The following KIR2DL1 variants were observed in gnomAD, a reference collection of about 807,000 sequenced individuals.
KIR2DL1 encodes the protein killer cell immunoglobulin-like receptor 2DL1.
KIR2DL1 carries 38 observed loss-of-function variants against 33.9 expected under a neutral mutation model. That is an observed-to-expected ratio of 1.12 (90% CI 0.86 to 1.47). KIR2DL1 has a LOEUF of 1.47. Ranked by LOEUF, KIR2DL1 falls within the 40% of genes most tolerant of loss-of-function variation. KIR2DL1 has a pLI of 0.00. For synonymous variants in KIR2DL1, 179 were observed against 165.9 expected, an observed-to-expected ratio of 1.08 and a Z score of -0.61; for missense variants, 531 against 433.9, an observed-to-expected ratio of 1.22 and a Z score of -1.99.
rs543746914 is a variant in KIR2DL1, at chr19:54,773,528, G to T, written c.266G>T (p.Arg89Leu). The change falls in exon 3 of 8, where the codon CGC becomes CTC. Residue 89 changes from arginine (R) to leucine (L), a missense_variant. Physicochemically the swap from Arg to Leu is moderately radical, Grantham distance 102. Transcript: ENST00000336077. ...GVSKANFSIS[R>L]MTQDLAGTYR... ...TCCAAGGCCAACTTCTCCATCAGTC[G>T]CATGACGCAAGACCTGGCAGGGACC... 1.9e-6 allele frequency: 3 copies of T among 1,555,040 alleles called. No homozygotes were observed. Among genetic ancestry groups the T allele is most frequent in the East Asian group, 2.2e-5 (1 of 44,530 alleles).
intron 3 of KIR2DL1, among the ~76,000 whole-genome samples, 175 bp from the exon 4 acceptor site, chr19:54,774,990 A>G (rs1216573547): frequency 1.3e-5 from 2 of 148,152 alleles, no homozygotes; most frequent in African/African-American, 4.9e-5. Flanking sequence ...TCAGAGACCT[A>G]GAGAGACAGA....
rs1223251767 is a variant in KIR2DL1, at chr19:54,771,524, T to G, written c.70+640T>G. On this transcript the variant is annotated intron_variant, in intron 2 of 7. Transcript: ENST00000336077. ...AAGGTGTGATAGCAGCCATAGAAAC[T>G]TGGAAAGCGAGGAGAATCTTCAGAG... Among the ~76,000 whole-genome samples, 164 of 134,348 alleles carry G rather than the reference T, an allele frequency of 1.2e-3. 1 individual carries two copies. The highest frequency in any genetic ancestry group is 3.8e-3 in the Middle Eastern group (1 of 262). The allele number at this position is 134,348 out of a possible 152,430, so 88.1% of individuals were successfully genotyped here.
chr19:54,772,945 A>C (rs2075915267), intron 2 of KIR2DL1, among the ~76,000 whole-genome samples: 1 of 147,764 alleles, frequency 6.8e-6, no homozygotes, highest in South Asian at 2.1e-4. Flanking sequence ...TGATCAGTTC[A>C]TACCTCCTGC....
Position 54,770,226 on chromosome 19 carries a change from G to A in KIR2DL1, c.34+342G>A, listed in dbSNP as rs1299374393. Among the ~76,000 whole-genome samples, 12 of 141,908 alleles carry A rather than the reference G, an allele frequency of 8.5e-5. 2 individuals carry two copies. Among genetic ancestry groups the A allele is most frequent in the African/African-American group, 1.3e-4 (5 of 38,866 alleles). 93.1% of individuals were successfully genotyped at this position (141,908 alleles called of 152,430 possible). A position where few individuals can be genotyped will look rare whatever the true frequency, so the allele number is the denominator to read the frequency against. On this transcript the variant is annotated intron_variant, in intron 1 of 7. Coordinates refer to ENST00000336077, the MANE Select transcript of KIR2DL1 (RefSeq NM_014218.3). ...GTCATGGGCCTGGAGGTGGAGTTAT[G>A]GGCCTGCAGTAGAGATATGGGCCTG...
intron 7 of KIR2DL1, 43 bp from the exon 8 acceptor site, chr19:54,783,594 A>C (rs754266230): frequency 6.2e-7 from 1 of 1,613,952 alleles, no homozygotes; most frequent in East Asian, 2.2e-5. Flanking sequence ...GAGTCCTGGA[A>C]AATGTGAGCA....
intron 4 of KIR2DL1, among the ~76,000 whole-genome samples, chr19:54,777,297 G>A (rs1466479473): frequency 6.7e-6 from 1 of 148,368 alleles, no homozygotes; most frequent in Non-Finnish European, 1.5e-5. Context: ...CTCTATGTGG[G>A]TCAGACTGGT....
chr19:54,773,535 G>T lies in KIR2DL1; in HGVS notation c.273G>T (p.Thr91=), dbSNP rs74415453. The stretch of plus-strand genomic sequence containing the variant: ...CCAACTTCTCCATCAGTCGCATGAC[G>T]CAAGACCTGGCAGGGACCTACAGAT... The part of the protein sequence containing the change: ...SKANFSISRM[T]QDLAGTYRCY... Residue 91 remains threonine, a synonymous_variant, in exon 3 of 8, where the codon ACG becomes ACT. Coordinates refer to ENST00000336077, the MANE Select transcript of KIR2DL1 (RefSeq NM_014218.3). 1 of 1,546,878 alleles carries T rather than the reference G, an allele frequency of 6.5e-7. No individual in the cohort carries two copies. The highest frequency in any genetic ancestry group is 1.1e-5 in the South Asian group (1 of 88,896).
In KIR2DL1 at chr19:54,773,356, C is replaced by A; in HGVS notation, c.94C>A (p.Leu32Met). The change falls in exon 3 of 8, where the codon CTG becomes ATG. Residue 32 changes from leucine to methionine, a missense_variant. Transcript: ENST00000336077. ...HEGVHRKPSL[L>M]AHPGRLVKSE... is the part of the protein sequence containing the mutation. Reference sequence around the variant, plus strand: ...AGGAGTCCACAGAAAACCTTCCCTCCTGGCCCACCCAGGTCGCCTGGTGAA... The same window carrying A: ...AGGAGTCCACAGAAAACCTTCCCTCATGGCCCACCCAGGTCGCCTGGTGAA... 1 of 1,599,420 alleles carries A rather than the reference C, an allele frequency of 6.3e-7. No homozygotes were observed. The highest frequency in any genetic ancestry group is 1.1e-5 in the South Asian group (1 of 90,536).
chr19:54,779,368 C>T (rs1487417629), intron 5 of KIR2DL1, among the ~76,000 whole-genome samples: 1 of 148,974 alleles, frequency 6.7e-6, no homozygotes, highest in Non-Finnish European at 1.5e-5. Context: ...GAATCTGCTT[C>T]TCACTTGTCC....
At position 54,782,972 on chromosome 19, in the gene KIR2DL1, C is replaced by T. The variant is rs1482186911; in HGVS notation, c.766C>T (p.Leu256Phe). ...ILIGTSVVII[L>F]FILLFFLLHR... ...GATTGGGACCTCAGTGGTCATCATC[C>T]TCTTCATCCTCCTCTTCTTTCTCCT... is the stretch of plus-strand genomic sequence containing the variant. The change falls in exon 6 of 8, where the codon CTC becomes TTC. Residue 256 changes from leucine (L) to phenylalanine (F), a missense_variant. Leu to Phe is a conservative substitution (Grantham distance 22). Transcript: ENST00000336077. The T allele has an allele frequency of 1.2e-6, 2 of 1,612,694 alleles. No individual in the cohort carries two copies. The highest frequency in any genetic ancestry group is 1.7e-6 in the Non-Finnish European group (2 of 1,179,600).
intron 4 of KIR2DL1, among the ~76,000 whole-genome samples, chr19:54,775,979 C>G (rs1181412055): frequency 2.0e-5 from 3 of 146,634 alleles, no homozygotes; most frequent in African/African-American, 5.0e-5. Context: ...GCAACCTCCG[C>G]CTCCTGGGTT....
At chr19:54,783,090 GGT>G in intron 6 of KIR2DL1, 67 bp downstream of exon 6, 1 of 1,533,414 alleles carries the variant, frequency 6.5e-7, no homozygotes, top group South Asian at 1.1e-5. Flanking sequence ...GGAGCACTCA[GGT>G]GTGTGTTCCT....
rs1484261522 is a variant in KIR2DL1 at position 54,783,555 on chromosome 19, C to T, written c.870+17C>T. 1 of 1,613,902 alleles carries T rather than the reference C, an allele frequency of 6.2e-7. No individual in the cohort carries two copies. The highest frequency in any genetic ancestry group is 8.5e-7 in the Non-Finnish European group (1 of 1,179,928). The stretch of plus-strand genomic sequence containing the variant: ...AATAGCGAGGTAGGTACTCCTCGGC[C>T]CGGGCTCGTGGCTACTGTTATTCCC... On this transcript the variant is annotated intron_variant, in intron 7 of 7. Coordinates refer to ENST00000336077, the MANE Select transcript of KIR2DL1 (RefSeq NM_014218.3).
intron 4 of KIR2DL1, among the ~76,000 whole-genome samples, chr19:54,776,634 C>CTTTTTTTTT (rs113294942): frequency 7.8e-6 from 1 of 128,314 alleles, no homozygotes. Context: ...TGAAAGTTCT[C>CTTTTTTTTT]TTTTTTTTTT....
At position 54,771,485 on chromosome 19, in the gene KIR2DL1, T is replaced by C. The variant is rs1358336283; in HGVS notation, c.70+601T>C. On this transcript the variant is annotated intron_variant, in intron 2 of 7. Transcript: ENST00000336077. Reference sequence around the variant, plus strand: ...GTGTTTGCGGGATGGGTCCTTCCTTTAGCCCTGGGCACCAAGGTGTGATAG... The same window carrying C: ...GTGTTTGCGGGATGGGTCCTTCCTTCAGCCCTGGGCACCAAGGTGTGATAG... Among the ~76,000 whole-genome samples the C allele has an allele frequency of 4.3e-4, 64 of 147,418 alleles. 2 individuals are homozygous for C. Among genetic ancestry groups the C allele is most frequent in the Non-Finnish European group, 7.3e-4 (48 of 65,982 alleles).
At chr19:54,779,166 C>T (rs1600823032) in intron 5 of KIR2DL1, among the ~76,000 whole-genome samples, 1 of 148,212 alleles carries the variant, frequency 6.7e-6, no homozygotes, top group African/African-American at 2.5e-5. Context: ...CAGCCACGGC[C>T]CCATGCTCAG....
In KIR2DL1 at chr19:54,775,363, C is replaced by A; in HGVS notation, c.569C>A (p.Ala190Asp). 3 of 1,582,802 alleles carry A rather than the reference C, an allele frequency of 1.9e-6. No individual in the cohort carries two copies. The highest frequency in any genetic ancestry group is 2.2e-5 in the East Asian group (1 of 44,752). The change falls in exon 4 of 8, where the codon GCC becomes GAC. Residue 190 changes from alanine to aspartate, a missense_variant. Ala to Asp is a moderately radical substitution (Grantham distance 126). Coordinates refer to ENST00000336077, the MANE Select transcript of KIR2DL1 (RefSeq NM_014218.3). ...CAGGCTGACTTTCCTCTGGGCCCTG[C>A]CACCCACGGAGGGACCTACAGATGC... The part of the protein sequence containing the change: ...TFQADFPLGP[A>D]THGGTYRCFG...
At chr19:54,776,299 C>G (rs1245688872) in intron 4 of KIR2DL1, among the ~76,000 whole-genome samples, 1 of 147,600 alleles carries the variant, frequency 6.8e-6, no homozygotes, top group Non-Finnish European at 1.5e-5. Flanking sequence ...CCTCCAGTAG[C>G]CACCATTCTA....
At chr19:54,778,440 A>C (rs545028662) in intron 4 of KIR2DL1, among the ~76,000 whole-genome samples, 172 bp from the exon 5 acceptor site, 1 of 146,176 alleles carries the variant, frequency 6.8e-6, no homozygotes, top group East Asian at 2.0e-4. Flanking sequence ...TATATCTTGA[A>C]GTCTCAAGAC....
Sources: allele counts gnomAD v4.1 joint callset (sites outside exome capture counted in the v4.1 genomes callset), GRCh38; gene constraint gnomAD v4.1.1; transcripts MANE v1.5; gene names NCBI Gene and HGNC (gene_info 2026-07-23, HGNC 2026-07-21).